The following DRC9 variants were observed in gnomAD, a reference collection of about 807,000 sequenced individuals.
DRC9 encodes dynein regulatory complex subunit 9.
At chr3:197,940,547 C>T in the DRC9 span, among the ~76,000 whole-genome samples, 12 of 152,050 alleles carry the variant, frequency 7.9e-5, no homozygotes, top group Non-Finnish European at 1.3e-4. Context: ...GCCATAAAAA[C>T]GGCTTTAAAA....
At chr3:197,949,823 G>T in the DRC9 span, 1 of 379,078 alleles carries the variant, frequency 2.6e-6, no homozygotes, top group Non-Finnish European at 4.7e-6. Flanking sequence ...CCCCACTGTT[G>T]GCAAATCAAT....
At chr3:197,960,121 C>T in the DRC9 span, 4 of 958,560 alleles carry the variant, frequency 4.2e-6, no homozygotes, top group Non-Finnish European at 6.1e-6. Flanking sequence ...TAGCGGGTGA[C>T]GCTGTCCAAT....
At chr3:197,908,218 T>C in the DRC9 span, among the ~76,000 whole-genome samples, 3 of 143,030 alleles carry the variant, frequency 2.1e-5, 1 homozygote, top group Non-Finnish European at 4.5e-5. Flanking sequence ...GATGAAGTTA[T>C]CACAGGGGTG....
At chr3:197,943,761 G>T in the DRC9 span, 12 of 1,598,708 alleles carry the variant, frequency 7.5e-6, no homozygotes, top group Admixed American at 1.7e-5. Flanking sequence ...ATTAACTCAT[G>T]GTGAGTGGGT....
At chr3:197,934,181 G>GTTTTTTTTTTTTTTTTTT in the DRC9 span, among the ~76,000 whole-genome samples, 3 of 82,646 alleles carry the variant, frequency 3.6e-5, no homozygotes, top group African/African-American at 3.7e-4. Context: ...TTCATTCTGG[G>GTTTTTTTTTTTTTTTTTT]TCTTTTTTTT....
chr3:197,952,170 T>G, the DRC9 span, among the ~76,000 whole-genome samples: 1 of 129,956 alleles, frequency 7.7e-6, no homozygotes, highest in African/African-American at 3.2e-5. Context: ...GGGTTTTTTT[T>G]TTTTTTTTTT....
the DRC9 span, among the ~76,000 whole-genome samples, chr3:197,898,548 C>T: frequency 6.6e-6 from 1 of 152,206 alleles, no homozygotes; most frequent in Non-Finnish European, 1.5e-5. Flanking sequence ...TGTTCTCATA[C>T]TGCTGATAAA....
the DRC9 span, chr3:197,945,600 C>A: frequency 1.3e-6 from 2 of 1,541,546 alleles, no homozygotes; most frequent in African/African-American, 1.4e-5. Flanking sequence ...ATACAAAAAA[C>A]ATTGGAATTT....
chr3:197,932,921 TTATGTATTATATATATGTATAA>T, the DRC9 span, among the ~76,000 whole-genome samples: 1 of 131,524 alleles, frequency 7.6e-6, no homozygotes, highest in Non-Finnish European at 1.6e-5. Flanking sequence ...TATATGCATA[TTATGTATTATATATATGTATAA>T]TATATATTAT....
chr3:197,953,772 G>A, the DRC9 span: 1 of 594,222 alleles, frequency 1.7e-6, no homozygotes, highest in East Asian at 2.9e-5. Context: ...AAACTTACTT[G>A]GTTATCATGT....
the DRC9 span, among the ~76,000 whole-genome samples, chr3:197,931,860 C>CAG: frequency 7.2e-5 from 11 of 151,976 alleles, no homozygotes; most frequent in Admixed American, 4.6e-4. Flanking sequence ...CTCCTGACCT[C>CAG]GTGATCCGCC....
the DRC9 span, among the ~76,000 whole-genome samples, chr3:197,953,103 T>C: frequency 6.6e-6 from 1 of 152,244 alleles, no homozygotes; most frequent in Non-Finnish European, 1.5e-5. Context: ...CATTGCACCT[T>C]AGCCTGGACA....
chr3:197,919,993 A>G, the DRC9 span, among the ~76,000 whole-genome samples: 1 of 151,772 alleles, frequency 6.6e-6, no homozygotes, highest in African/African-American at 2.4e-5. Context: ...TGAGGTCAAG[A>G]GTTCGAGACC....
chr3:197,928,472 C>T, the DRC9 span, among the ~76,000 whole-genome samples: 1 of 152,062 alleles, frequency 6.6e-6, no homozygotes, highest in African/African-American at 2.4e-5. Context: ...CCTCAGCTTC[C>T]TGAGTAGCTG....
chr3:197,938,265 C>T, the DRC9 span, among the ~76,000 whole-genome samples: 11 of 148,550 alleles, frequency 7.4e-5, no homozygotes, highest in African/African-American at 2.3e-4. Flanking sequence ...TGCACTGCGC[C>T]GAGATCAGAC....
At chr3:197,953,557 T>C in the DRC9 span, 4 of 457,260 alleles carry the variant, frequency 8.7e-6, no homozygotes, top group Non-Finnish European at 1.8e-5. Context: ...CCCCAGTGCC[T>C]GCGCTAGTCA....
chr3:197,910,117 ACTTT>A, the DRC9 span, among the ~76,000 whole-genome samples: 1 of 152,108 alleles, frequency 6.6e-6, no homozygotes, highest in Non-Finnish European at 1.5e-5. Flanking sequence ...GAGGGCTTTC[ACTTT>A]CTTTAACCTA....
At chr3:197,902,815 C>T in the DRC9 span, among the ~76,000 whole-genome samples, 1 of 152,102 alleles carries the variant, frequency 6.6e-6, no homozygotes, top group African/African-American at 2.4e-5. Flanking sequence ...ACATTCTTCA[C>T]AGCAATAGAA....
At chr3:197,904,562 G>A in the DRC9 span, among the ~76,000 whole-genome samples, 1 of 152,092 alleles carries the variant, frequency 6.6e-6, no homozygotes, top group South Asian at 2.1e-4. Flanking sequence ...ACCAACAGAC[G>A]AACGGATAAA....
Sources: gnomAD v4.1 joint callset for allele counts (sites outside exome capture counted in the v4.1 genomes callset) on GRCh38, gnomAD v4.1.1 for gene constraint, MANE v1.5 for transcripts, NCBI Gene and HGNC (gene_info 2026-07-23, HGNC 2026-07-21) for gene names.